ADAM32: variants seen among roughly 807,000 people sequenced by gnomAD.
ADAM32 encodes the protein ADAM metallopeptidase domain 32, also known as disintegrin and metalloproteinase domain-containing protein 32.
Under a neutral mutation model 114.9 loss-of-function variants are expected in ADAM32, and 89 were observed. The observed-to-expected ratio is 0.77, with a 90% confidence interval of 0.65 to 0.92. ADAM32 has a LOEUF of 0.92. Ranked by LOEUF, ADAM32 falls within the 40% of genes least tolerant of loss-of-function variation. ADAM32 has a pLI of 0.00. For synonymous variants in ADAM32, 285 were observed against 307.5 expected (o/e 0.93, Z 0.77); for missense variants, 870 against 932.8 (o/e 0.93, Z 0.88).
intron 16 of ADAM32, among the ~76,000 whole-genome samples, chr8:39,239,187 A>G (rs1349016694): frequency 6.6e-6 from 1 of 152,212 alleles, no homozygotes; most frequent in Non-Finnish European, 1.5e-5. Context: ...CAGGTAATGT[A>G]TAAAGGAAAA....
At chr8:39,275,342 CTTTT>C (rs1813007931) in intron 21 of ADAM32, among the ~76,000 whole-genome samples, 1 of 152,116 alleles carries the variant, frequency 6.6e-6, no homozygotes. Flanking sequence ...TAGAAATGGC[CTTTT>C]CTTTCATAAA....
rs533700418 is a variant in ADAM32, at chr8:39,218,083, C to T, written c.1234-3527C>T. Among the ~76,000 whole-genome samples the T allele has an allele frequency of 1.3e-5, 2 of 151,750 alleles. 1 individual carries two copies. Among genetic ancestry groups the T allele is most frequent in the East Asian group, 3.9e-4 (2 of 5,118 alleles). On this transcript the variant is annotated intron_variant, in intron 12 of 24. Transcript: ENST00000379907. ...GCCATATTTGCATTAGGGGTCACCC[C>T]AACCTCAGTAATGGTGTGGTTTTTT...
rs755068102 is a variant in ADAM32, at chr8:39,156,957, C to T, written c.526-3940C>T. Among the ~76,000 whole-genome samples the T allele has an allele frequency of 6.0e-4, 92 of 152,142 alleles. 1 individual carries two copies. The highest frequency in any genetic ancestry group is 2.7e-3 in the Admixed American group (41 of 15,274). On this transcript the variant is annotated intron_variant, in intron 6 of 24. Transcript: ENST00000379907. ...GAATTTTACTGGGATACCATTTGGCCTATAATAAGCAGGCAAGTCTACTAG... is the reference window on the plus strand; with the variant it reads ...GAATTTTACTGGGATACCATTTGGCTTATAATAAGCAGGCAAGTCTACTAG...
At chr8:39,181,670 G>A (rs1468858111) in intron 10 of ADAM32, among the ~76,000 whole-genome samples, 1 of 152,212 alleles carries the variant, frequency 6.6e-6, no homozygotes, top group East Asian at 1.9e-4. Flanking sequence ...GAAATTCAGG[G>A]TGTATGTAAA....
intron 19 of ADAM32, among the ~76,000 whole-genome samples, chr8:39,264,445 C>T (rs1273150902): frequency 6.6e-6 from 1 of 152,146 alleles, no homozygotes; most frequent in East Asian, 1.9e-4. Context: ...TGGATCATCT[C>T]TTTTTAAATT....
intron 10 of ADAM32, among the ~76,000 whole-genome samples, chr8:39,182,032 C>T (rs562082190): frequency 5.3e-4 from 80 of 152,120 alleles, no homozygotes; most frequent in African/African-American, 1.0e-3. Flanking sequence ...TTTTGAAGAA[C>T]GACAAAGTTG....
At chr8:39,187,247 T>C (rs1806299572) in intron 11 of ADAM32, among the ~76,000 whole-genome samples, 3 of 152,118 alleles carry the variant, frequency 2.0e-5, no homozygotes, top group African/African-American at 4.8e-5. Flanking sequence ...CTGAAAGATA[T>C]ATTAGCAAAA....
At chr8:39,200,219 C>A (rs2129447784) in intron 11 of ADAM32, among the ~76,000 whole-genome samples, 1 of 152,310 alleles carries the variant, frequency 6.6e-6, no homozygotes, top group East Asian at 1.9e-4. Context: ...AATGGTTGAA[C>A]TAGTTTACAG....
At chr8:39,202,172 C>A (rs1329654166) in intron 11 of ADAM32, among the ~76,000 whole-genome samples, 2 of 152,122 alleles carry the variant, frequency 1.3e-5, no homozygotes, top group Admixed American at 1.3e-4. Context: ...CCCTCTTTTT[C>A]TATTGATGGG....
chr8:39,232,984 A>G (rs974629694), intron 15 of ADAM32, among the ~76,000 whole-genome samples: 4 of 152,054 alleles, frequency 2.6e-5, no homozygotes, highest in African/African-American at 4.8e-5. Context: ...CTTTCCTTCT[A>G]TGGGGTGATA....
intron 11 of ADAM32, among the ~76,000 whole-genome samples, chr8:39,203,086 T>C (rs1293448450): frequency 6.6e-6 from 1 of 152,242 alleles, no homozygotes; most frequent in African/African-American, 2.4e-5. Flanking sequence ...TGTGATGTGG[T>C]GCTGAGAAGC....
At chr8:39,134,681 T>C (rs1802683012) in intron 2 of ADAM32, among the ~76,000 whole-genome samples, 2 of 152,302 alleles carry the variant, frequency 1.3e-5, no homozygotes, top group South Asian at 4.2e-4. Flanking sequence ...CTACACTCTT[T>C]AAAGATCTAC....
At chr8:39,257,737 A>C (rs1170396124) in intron 19 of ADAM32, among the ~76,000 whole-genome samples, 2 of 152,164 alleles carry the variant, frequency 1.3e-5, no homozygotes, top group Non-Finnish European at 2.9e-5. Context: ...AAGTAATTTT[A>C]AAAATATTCT....
intron 16 of ADAM32, among the ~76,000 whole-genome samples, chr8:39,237,300 G>A (rs1232001100): frequency 6.6e-6 from 1 of 152,180 alleles, no homozygotes; most frequent in African/African-American, 2.4e-5. Context: ...GGGCCACAAG[G>A]ATAAGGAGAC....
At chr8:39,275,548 T>A (rs1385793270) in intron 21 of ADAM32, among the ~76,000 whole-genome samples, 1 of 152,250 alleles carries the variant, frequency 6.6e-6, no homozygotes, top group Non-Finnish European at 1.5e-5. Context: ...AAAGCATGTA[T>A]TCTGTGCTAG....
In ADAM32 at chr8:39,124,840, T is replaced by A. The variant is rs148819469; in HGVS notation, c.138+6675T>A. Among the ~76,000 whole-genome samples the A allele has an allele frequency of 1.2e-3, 187 of 152,318 alleles. 1 individual carries two copies. The highest frequency in any genetic ancestry group is 4.4e-3 in the African/African-American group (182 of 41,574). On this transcript the variant is annotated intron_variant, in intron 2 of 24. Transcript: ENST00000379907. ...TATGTATCTTTACAATGGAATAGTTTATATTCCTTTGGTTATATACCCAGT... is the reference window on the plus strand; with the variant it reads ...TATGTATCTTTACAATGGAATAGTTAATATTCCTTTGGTTATATACCCAGT...
chr8:39,245,592 G>A (rs1465547975), intron 16 of ADAM32, among the ~76,000 whole-genome samples: 1 of 152,210 alleles, frequency 6.6e-6, no homozygotes, highest in Non-Finnish European at 1.5e-5. Context: ...GAAAGGCCAT[G>A]TGAGGACATA....
At chr8:39,199,012 T>G (rs1807203249) in intron 11 of ADAM32, among the ~76,000 whole-genome samples, 1 of 152,242 alleles carries the variant, frequency 6.6e-6, no homozygotes, top group African/African-American at 2.4e-5. Flanking sequence ...GTTGTTTTCT[T>G]GCAGTACTTT....
rs543742420 is a variant in ADAM32, at chr8:39,183,549, C to T, written c.916-3360C>T. Among the ~76,000 whole-genome samples, 3 of 152,310 alleles carry T rather than the reference C, an allele frequency of 2.0e-5. No individual in the cohort carries two copies. The South Asian group carries it at 6.2e-4, about 32-fold the overall frequency. ...GCAACTTATCTAGCAATTCCCATCCCATCTTTCCTCATCATCACTCACTCT... is the reference window on the plus strand; with the variant it reads ...GCAACTTATCTAGCAATTCCCATCCTATCTTTCCTCATCATCACTCACTCT... On this transcript the variant is annotated intron_variant, in intron 10 of 24. Transcript: ENST00000379907.
Sources: allele counts gnomAD v4.1 joint callset (sites outside exome capture counted in the v4.1 genomes callset), GRCh38; gene constraint gnomAD v4.1.1; transcripts MANE v1.5; gene names NCBI Gene and HGNC (gene_info 2026-07-23, HGNC 2026-07-21).